PPARGC1A: variants seen among roughly 807,000 people sequenced by gnomAD.
PPARGC1A encodes the protein peroxisome proliferator-activated receptor gamma coactivator 1-alpha.
In PPARGC1A, 25 loss-of-function variants were observed where a neutral mutation model predicts 88.7. The observed-to-expected ratio is 0.28, with a 90% CI of 0.21 to 0.39. The LOEUF is 0.39. Ranked by LOEUF, PPARGC1A falls within the 10% of genes least tolerant of loss-of-function variation. The probability of loss-of-function intolerance (pLI) is 1.00; values close to 1 mark genes in which losing one functional copy is unlikely to be tolerated. For synonymous variants in PPARGC1A, 363 were observed against 355.6 expected (o/e 1.02, Z -0.24); for missense variants, 880 against 968.7 (o/e 0.91, Z 1.22).
the PPARGC1A span, among the ~76,000 whole-genome samples, chr4:24,287,396 C>A: frequency 1.3e-5 from 2 of 152,094 alleles, no homozygotes; most frequent in Non-Finnish European, 2.9e-5. Context: ...TAATCAACTT[C>A]TTTAATGTTT....
the PPARGC1A span, among the ~76,000 whole-genome samples, chr4:24,368,837 A>C: frequency 5.7e-3 from 872 of 152,292 alleles, 11 homozygotes; most frequent in African/African-American, 0.02. Context: ...CGCGGAAGAA[A>C]CGGAGAGTGA....
the PPARGC1A span, among the ~76,000 whole-genome samples, chr4:24,439,214 A>T: frequency 6.6e-6 from 1 of 152,162 alleles, no homozygotes; most frequent in Non-Finnish European, 1.5e-5. Context: ...AGAAGAACTG[A>T]TGCAATAATG....
the PPARGC1A span, among the ~76,000 whole-genome samples, chr4:24,084,117 C>T: frequency 6.6e-6 from 1 of 152,156 alleles, no homozygotes; most frequent in Non-Finnish European, 1.5e-5. Context: ...TTTATGCTGC[C>T]TTTTACCTAT....
chr4:24,432,856 AC>A, the PPARGC1A span, among the ~76,000 whole-genome samples: 2 of 152,240 alleles, frequency 1.3e-5, no homozygotes, highest in African/African-American at 4.8e-5. Flanking sequence ...GTTCCCCTGA[AC>A]CAAACTTCTG....
the PPARGC1A span, among the ~76,000 whole-genome samples, chr4:24,170,082 G>C: frequency 2.0e-5 from 3 of 152,280 alleles, no homozygotes; most frequent in African/African-American, 7.2e-5. Flanking sequence ...ACTGGCAAAA[G>C]AGCAGAGGCA....
At chr4:24,318,255 A>G in the PPARGC1A span, among the ~76,000 whole-genome samples, 56 of 152,224 alleles carry the variant, frequency 3.7e-4, no homozygotes, top group African/African-American at 1.4e-3. Flanking sequence ...ACCAGCCTGC[A>G]CATATGACTG....
the PPARGC1A span, among the ~76,000 whole-genome samples, chr4:24,317,026 A>G: frequency 5.3e-5 from 8 of 152,172 alleles, no homozygotes; most frequent in African/African-American, 1.9e-4. Context: ...GAACTGTTCT[A>G]AGAATTTTAT....
upstream of PPARGC1A, among the ~76,000 whole-genome samples, chr4:23,907,147 G>C (rs1422826651): frequency 6.6e-6 from 1 of 152,058 alleles, no homozygotes; most frequent in Non-Finnish European, 1.5e-5. Context: ...CATTAGGGAT[G>C]ACCTATGGCT....
the PPARGC1A span, among the ~76,000 whole-genome samples, chr4:24,319,933 C>G: frequency 6.6e-6 from 1 of 152,152 alleles, no homozygotes; most frequent in East Asian, 1.9e-4. Flanking sequence ...AAAGCTGGCT[C>G]ATTAAAAAGA....
the PPARGC1A span, among the ~76,000 whole-genome samples, chr4:24,102,130 G>A: frequency 7.9e-5 from 12 of 152,268 alleles, no homozygotes; most frequent in East Asian, 9.6e-4. Context: ...TCACAGTGTC[G>A]TTGGAGAAGA....
chr4:24,171,625 CTAAATA>C, the PPARGC1A span, among the ~76,000 whole-genome samples: 1 of 152,142 alleles, frequency 6.6e-6, no homozygotes, highest in Non-Finnish European at 1.5e-5. Context: ...GCACTTGTCA[CTAAATA>C]TAAATTCACA....
chr4:24,033,414 C>T, the PPARGC1A span, among the ~76,000 whole-genome samples: 1 of 136,458 alleles, frequency 7.3e-6, no homozygotes, highest in Non-Finnish European at 1.5e-5. Context: ...CAGACAGACA[C>T]ACACACACAC....
At chr4:24,353,524 G>A in the PPARGC1A span, among the ~76,000 whole-genome samples, 4 of 152,182 alleles carry the variant, frequency 2.6e-5, no homozygotes, top group Non-Finnish European at 5.9e-5. Flanking sequence ...CTAAACTTCA[G>A]ATTTCCCGAT....
chr4:24,085,543 T>C, the PPARGC1A span, among the ~76,000 whole-genome samples: 1 of 152,202 alleles, frequency 6.6e-6, no homozygotes, highest in Non-Finnish European at 1.5e-5. Flanking sequence ...GAGCACCCAG[T>C]ACACCTTACC....
chr4:24,068,185 C>T, the PPARGC1A span, among the ~76,000 whole-genome samples: 1 of 121,242 alleles, frequency 8.2e-6, no homozygotes, highest in East Asian at 2.1e-4. Context: ...GAGGAAATTG[C>T]AATGCAATGT....
the PPARGC1A span, among the ~76,000 whole-genome samples, chr4:24,006,426 G>A: frequency 2.0e-5 from 3 of 152,212 alleles, no homozygotes; most frequent in Admixed American, 6.5e-5. Context: ...AAGGGAAGCT[G>A]AGAGTGTCAC....
chr4:24,082,243 GA>G, the PPARGC1A span, among the ~76,000 whole-genome samples: 1 of 152,226 alleles, frequency 6.6e-6, no homozygotes, highest in African/African-American at 2.4e-5. Flanking sequence ...TATAAATGGT[GA>G]GCATTTAAAC....
the PPARGC1A span, among the ~76,000 whole-genome samples, chr4:24,174,300 T>C: frequency 3.9e-5 from 6 of 152,192 alleles, no homozygotes; most frequent in African/African-American, 1.4e-4. Flanking sequence ...AACCTGACCA[T>C]AAGAATCACC....
the PPARGC1A span, among the ~76,000 whole-genome samples, chr4:24,393,509 G>T: frequency 6.6e-6 from 1 of 152,188 alleles, no homozygotes; most frequent in Non-Finnish European, 1.5e-5. Flanking sequence ...CAATTGTTAA[G>T]CAATGTCCTA....
Sources: gnomAD v4.1 joint callset for allele counts (sites outside exome capture counted in the v4.1 genomes callset) on GRCh38, gnomAD v4.1.1 for gene constraint, MANE v1.5 for transcripts, NCBI Gene and HGNC (gene_info 2026-07-23, HGNC 2026-07-21) for gene names.